Variants in ACER3 observed in about 807,000 individuals in gnomAD.
ACER3 encodes the protein alkCDase 3.
A neutral mutation model predicts 48.9 loss-of-function variants in ACER3; 16 were observed. The ratio of observed to expected loss-of-function variants is 0.33; its 90% CI spans 0.22 to 0.50. The LOEUF (loss-of-function observed/expected upper bound fraction) is 0.50. ACER3 is among the 20% of genes least tolerant of loss of function. ACER3 has a pLI of 0.98. For missense variants in ACER3, 227 were observed against 326.0 expected, an observed-to-expected ratio of 0.70 and a Z score of 2.34; for synonymous variants, 109 against 107.8, an observed-to-expected ratio of 1.01 and a Z score of -0.07.
chr11:77,005,981 A>AT lies in ACER3; in HGVS notation c.497+7161dup, dbSNP rs1331137327. Among the ~76,000 whole-genome samples, 83 of 32,344 alleles carry AT rather than the reference A, an allele frequency of 2.6e-3. 1 individual carries two copies. The highest frequency in any genetic ancestry group is 0.015 in the South Asian group (7 of 482). The allele number at this position is 32,344 out of a possible 152,430, so 21.2% of individuals were successfully genotyped here. Reference sequence around the variant, plus strand: ...ATATTATATATATATACATATATATATATATATATATTTTTTTTTTTTTTT... The same window carrying AT: ...ATATTATATATATATACATATATATATTATATATATATTTTTTTTTTTTTTT... On this transcript the variant is annotated intron_variant, in intron 7 of 10. Transcript: ENST00000532485.
chr11:76,886,496 CAT>C lies in ACER3; in HGVS notation c.103+25418_103+25419del, dbSNP rs372362981. 3.9e-5 allele frequency among the ~76,000 whole-genome samples: 6 copies of C among 152,262 alleles called. No individual in the cohort carries two copies. The East Asian group carries it at 1.2e-3, about 29-fold the overall frequency. On this transcript the variant is annotated intron_variant, in intron 1 of 10. Transcript: ENST00000532485. ...GTATAACACTTAGGAGATACGTTAG[CAT>C]GTTACAATTATATGATTGAAAAGGA...
At chr11:76,898,955 C>A (rs1175418396) in intron 1 of ACER3, among the ~76,000 whole-genome samples, 2 of 148,918 alleles carry the variant, frequency 1.3e-5, no homozygotes, top group Non-Finnish European at 3.0e-5. Flanking sequence ...ATCTTCCTAC[C>A]ACCAGAGGAA....
chr11:76,936,693 A>G (rs1334566931), intron 2 of ACER3, among the ~76,000 whole-genome samples: 2 of 150,994 alleles, frequency 1.3e-5, no homozygotes, highest in Non-Finnish European at 2.9e-5. Context: ...TATCCCTAAT[A>G]TACAATTTTT....
At chr11:76,950,757 T>C (rs1947643582) in intron 2 of ACER3, among the ~76,000 whole-genome samples, 1 of 152,066 alleles carries the variant, frequency 6.6e-6, no homozygotes, top group African/African-American at 2.4e-5. Context: ...TGAGCCACCA[T>C]GCCAGGCCCA....
chr11:76,909,654 G>A (rs367606768), intron 1 of ACER3, among the ~76,000 whole-genome samples: 3 of 152,142 alleles, frequency 2.0e-5, no homozygotes, highest in South Asian at 4.1e-4. Context: ...AAATAGGAAC[G>A]CTTTTACACT....
chr11:76,868,951 C>T lies in ACER3; in HGVS notation c.103+7872C>T, dbSNP rs752992898. ...CTATGGGGACAGAACCTCCTGTGCT[C>T]AGGACCCTTCCAAACCTGCCCCTGG... On this transcript the variant is annotated intron_variant, in intron 1 of 10. Coordinates refer to ENST00000532485, the MANE Select transcript of ACER3 (RefSeq NM_018367.7). Among the ~76,000 whole-genome samples the T allele has an allele frequency of 4.3e-4, 66 of 152,334 alleles. 1 individual carries two copies. Among genetic ancestry groups the T allele is most frequent in the Middle Eastern group, 3.4e-3 (1 of 294 alleles).
intron 1 of ACER3, among the ~76,000 whole-genome samples, chr11:76,898,789 A>G (rs1330899508): frequency 6.7e-6 from 1 of 149,114 alleles, no homozygotes; most frequent in Non-Finnish European, 1.5e-5. Context: ...CTGTAGTCCC[A>G]GCTACTTGGG....
At chr11:76,946,817 T>C (rs1362953040) in intron 2 of ACER3, among the ~76,000 whole-genome samples, 1 of 152,212 alleles carries the variant, frequency 6.6e-6, no homozygotes, top group African/African-American at 2.4e-5. Flanking sequence ...TTCACGTTGA[T>C]TCCCTTTCTG....
At chr11:77,009,412 G>A (rs1555021652) in intron 7 of ACER3, among the ~76,000 whole-genome samples, 1 of 152,156 alleles carries the variant, frequency 6.6e-6, no homozygotes, top group Non-Finnish European at 1.5e-5. Context: ...CCTCCCACCA[G>A]GCCCCACTTA....
At chr11:76,957,248 C>A (rs1006395364) in intron 2 of ACER3, among the ~76,000 whole-genome samples, 12 of 152,138 alleles carry the variant, frequency 7.9e-5, no homozygotes, top group Non-Finnish European at 1.6e-4. Flanking sequence ...ATAGGATGCA[C>A]TCAGTAAATT....
intron 1 of ACER3, among the ~76,000 whole-genome samples, chr11:76,881,337 T>G (rs1945521625): frequency 6.6e-6 from 1 of 152,064 alleles, no homozygotes. Context: ...CAGGTTTATC[T>G]TTGGTTTATA....
chr11:77,016,804 C>T (rs1481754094), intron 9 of ACER3, 25 bp downstream of exon 9: 2 of 1,306,324 alleles, frequency 1.5e-6, no homozygotes, highest in South Asian at 1.3e-5. Context: ...CTTTTTTAGC[C>T]TCGTACTAGA....
At chr11:76,863,397 A>G (rs1181115454) in intron 1 of ACER3, among the ~76,000 whole-genome samples, 2 of 152,150 alleles carry the variant, frequency 1.3e-5, no homozygotes, top group African/African-American at 4.8e-5. Flanking sequence ...GGGTTTTGAC[A>G]TAGGAATCAG....
At chr11:76,949,970 G>T (rs1357847765) in intron 2 of ACER3, among the ~76,000 whole-genome samples, 1 of 152,068 alleles carries the variant, frequency 6.6e-6, no homozygotes, top group Non-Finnish European at 1.5e-5. Flanking sequence ...AGTACCATAT[G>T]TATTTTCACC....
chr11:76,938,303 T>C (rs371036240), intron 2 of ACER3, among the ~76,000 whole-genome samples: 1 of 152,018 alleles, frequency 6.6e-6, no homozygotes, highest in Admixed American at 6.6e-5. Flanking sequence ...GCTTGACCCA[T>C]TGCATTAGAA....
intron 1 of ACER3, among the ~76,000 whole-genome samples, chr11:76,874,005 G>A (rs1483473334): frequency 6.6e-6 from 1 of 152,180 alleles, no homozygotes; most frequent in Non-Finnish European, 1.5e-5. Context: ...GAGAGTTTTA[G>A]GTAGTGCAGA....
chr11:76,968,096 T>C (rs1304725688), intron 3 of ACER3, among the ~76,000 whole-genome samples: 2 of 152,106 alleles, frequency 1.3e-5, no homozygotes, highest in African/African-American at 4.8e-5. Flanking sequence ...CAGCAAAGTC[T>C]CAGGATACAA....
At position 76,934,986 on chromosome 11, in the gene ACER3, CTCAA is replaced by C. The variant is rs573579868; in HGVS notation, c.214+8320_214+8323del. ...AATACTCCTAACTGAATTAAGTTGC[CTCAA>C]ACAAAGAAATGAATCAAAAATTTAA... On this transcript the variant is annotated intron_variant, in intron 2 of 10. Coordinates refer to ENST00000532485, the MANE Select transcript of ACER3 (RefSeq NM_018367.7). Among the ~76,000 whole-genome samples, 434 of 152,118 alleles carry C rather than the reference CTCAA, an allele frequency of 2.9e-3. 2 individuals carry two copies. The highest frequency in any genetic ancestry group is 9.7e-3 in the African/African-American group (403 of 41,490).
chr11:76,980,963 A>G (rs891120785), intron 4 of ACER3, among the ~76,000 whole-genome samples: 4 of 152,370 alleles, frequency 2.6e-5, no homozygotes, highest in Admixed American at 2.0e-4. Flanking sequence ...TAAGTAAGAA[A>G]TAGTCCTTTT....
Sources: gnomAD v4.1 joint callset for allele counts (sites outside exome capture counted in the v4.1 genomes callset) on GRCh38, gnomAD v4.1.1 for gene constraint, MANE v1.5 for transcripts, NCBI Gene and HGNC (gene_info 2026-07-23, HGNC 2026-07-21) for gene names.